The following CNTN3 variants were observed in gnomAD, a reference collection of about 807,000 sequenced individuals.
The protein encoded by CNTN3 is contactin-3.
A neutral mutation model predicts 119.1 loss-of-function variants in CNTN3; 60 were observed. The ratio of observed to expected loss-of-function variants is 0.50; its 90% CI spans 0.41 to 0.62. The LOEUF (loss-of-function observed/expected upper bound fraction) is 0.62. Among genes scored for constraint, CNTN3 ranks in the 20% least tolerant of loss-of-function variants. The pLI, the probability that CNTN3 is intolerant of heterozygous loss-of-function variation, is 0.00. For missense variants in CNTN3, 1,101 were observed against 1,242.4 expected, an observed-to-expected ratio of 0.89 and a Z score of 1.71; for synonymous variants, 450 against 438.7, an observed-to-expected ratio of 1.03 and a Z score of -0.32.
At chr3:74,533,956 C>A (rs557084550) in intron 1 of CNTN3, among the ~76,000 whole-genome samples, 1 of 152,096 alleles carries the variant, frequency 6.6e-6, no homozygotes, top group African/African-American at 2.4e-5. Flanking sequence ...CACAGGACAG[C>A]CACCCACTGC....
At chr3:74,588,637 C>G (rs565049303) in intron 1 of CNTN3, among the ~76,000 whole-genome samples, 10 of 151,954 alleles carry the variant, frequency 6.6e-5, no homozygotes, top group Non-Finnish European at 1.2e-4. Flanking sequence ...AAAAAGAGCC[C>G]GCATCACCAA....
intron 7 of CNTN3, 40 bp downstream of exon 7, chr3:74,369,849 T>C: frequency 9.5e-7 from 1 of 1,053,502 alleles, no homozygotes; most frequent in Non-Finnish European, 1.4e-6. Flanking sequence ...TATAGCAACC[T>C]AATATTTCAG....
intron 5 of CNTN3, 41 bp downstream of exon 5, chr3:74,424,804 A>G: frequency 1.3e-6 from 2 of 1,545,852 alleles, no homozygotes; most frequent in Non-Finnish European, 1.8e-6. Context: ...CTTGCCCTGA[A>G]CCTTAATAAA....
At chr3:74,422,167 C>A (rs1575709197) in intron 5 of CNTN3, among the ~76,000 whole-genome samples, 1 of 152,170 alleles carries the variant, frequency 6.6e-6, no homozygotes, top group Non-Finnish European at 1.5e-5. Flanking sequence ...AGCTCATAAG[C>A]CAATGTGTTA....
chr3:74,313,746 C>G (rs547225403), intron 13 of CNTN3, among the ~76,000 whole-genome samples: 2 of 152,040 alleles, frequency 1.3e-5, no homozygotes, highest in African/African-American at 4.8e-5. Flanking sequence ...GCAAAGCTGG[C>G]CTTGTATGTA....
At chr3:74,431,502 T>C (rs553791413) in intron 4 of CNTN3, among the ~76,000 whole-genome samples, 3 of 152,330 alleles carry the variant, frequency 2.0e-5, no homozygotes, top group South Asian at 4.1e-4. Context: ...CCAAGTTAAA[T>C]GAGTTTCTTT....
In CNTN3 at chr3:74,294,599, T is replaced by C. The variant is rs903049055; in HGVS notation, c.2517+522A>G. ...CAAACATTTCCTGTTTTGGGTGACC[T>C]AGTCAGACCTTCATTATATTTGGTC... On this transcript the variant is annotated intron_variant, in intron 19 of 22. Coordinates refer to ENST00000263665, the MANE Select transcript of CNTN3 (RefSeq NM_020872.3). 5.3e-5 allele frequency among the ~76,000 whole-genome samples: 8 copies of C among 152,344 alleles called. No individual in the cohort carries two copies. In the East Asian group the frequency reaches 1.4e-3, roughly 26 times the overall value.
intron 1 of CNTN3, among the ~76,000 whole-genome samples, chr3:74,598,316 A>G (rs954922661): frequency 1.3e-5 from 2 of 152,020 alleles, no homozygotes; most frequent in African/African-American, 2.4e-5. Context: ...CGGTTGCCCC[A>G]CCGGAGGCAC....
At chr3:74,573,288 C>CT (rs879506429) in intron 1 of CNTN3, among the ~76,000 whole-genome samples, 75 of 143,328 alleles carry the variant, frequency 5.2e-4, no homozygotes, top group South Asian at 6.8e-4. Context: ...AGAGTGCTTT[C>CT]TTTTTTTTTT....
chr3:74,438,794 A>G (rs1190613619), intron 4 of CNTN3, among the ~76,000 whole-genome samples: 1 of 152,228 alleles, frequency 6.6e-6, no homozygotes, highest in Non-Finnish European at 1.5e-5. Context: ...CTTTTAAGAC[A>G]CGTGTGATTT....
chr3:74,302,922 A>G (rs528497670), intron 13 of CNTN3, 115 bp from the exon 14 acceptor site: 2 of 628,280 alleles, frequency 3.2e-6, no homozygotes, highest in East Asian at 2.8e-5. Context: ...TAGGGAGCAA[A>G]CCAAGGTGGT....
intron 4 of CNTN3, among the ~76,000 whole-genome samples, chr3:74,437,896 A>C (rs1207989501): frequency 6.6e-6 from 1 of 152,226 alleles, no homozygotes; most frequent in East Asian, 1.9e-4. Context: ...ATGGGGCAAC[A>C]GAAAAAGCCA....
intron 13 of CNTN3, among the ~76,000 whole-genome samples, chr3:74,310,911 T>G (rs1702670435): frequency 6.6e-6 from 1 of 152,148 alleles, no homozygotes; most frequent in Non-Finnish European, 1.5e-5. Context: ...CTGACCTATA[T>G]GGACCAAAGA....
At chr3:74,297,279 A>G (rs1702358377) in intron 18 of CNTN3, among the ~76,000 whole-genome samples, 1 of 152,094 alleles carries the variant, frequency 6.6e-6, no homozygotes, top group Non-Finnish European at 1.5e-5. Flanking sequence ...GGAACGTAGG[A>G]AGTGTTCCTC....
chr3:74,521,222 TAAA>T lies in CNTN3; in HGVS notation c.-80-33_-80-31del, dbSNP rs59140298. ...AAAATATATGTACAAAGAAGTTCGT[TAAA>T]AAAAAAAAAAAAAGCTGCTTTAAAA... On this transcript the variant is annotated intron_variant, in intron 1 of 22. Coordinates refer to ENST00000263665, the MANE Select transcript of CNTN3 (RefSeq NM_020872.3). The T allele has an allele frequency of 5.1e-3, 1,619 of 316,784 alleles. 1 individual carries two copies. Among genetic ancestry groups the T allele is most frequent in the African/African-American group, 0.013 (531 of 41,420 alleles). 19.6% of individuals were successfully genotyped at this position (316,784 alleles called of 1,614,324 possible). A position where few individuals can be genotyped will look rare whatever the true frequency, so the allele number is the denominator to read the frequency against.
chr3:74,391,804 C>T (rs536145503), intron 5 of CNTN3, among the ~76,000 whole-genome samples: 10 of 151,964 alleles, frequency 6.6e-5, no homozygotes, highest in Admixed American at 6.5e-5. Context: ...ACTACGTTCG[C>T]GTGCCACCAC....
At position 74,362,638 on chromosome 3, in the gene CNTN3, G is replaced by A. The variant is rs531123406; in HGVS notation, c.1214-598C>T. On this transcript the variant is annotated intron_variant, in intron 10 of 22. Coordinates refer to ENST00000263665, the MANE Select transcript of CNTN3 (RefSeq NM_020872.3). ...AATATTACATTTGCTAATAATACAT[G>A]GGATGTTAATCCTGAAACAACACTT... 7.6e-4 allele frequency among the ~76,000 whole-genome samples: 115 copies of A among 152,058 alleles called. 1 individual carries two copies. The highest frequency in any genetic ancestry group is 2.6e-3 in the African/African-American group (109 of 41,462).
At chr3:74,577,877 G>T (rs1196124392) in intron 1 of CNTN3, among the ~76,000 whole-genome samples, 4 of 151,886 alleles carry the variant, frequency 2.6e-5, no homozygotes, top group African/African-American at 9.7e-5. Context: ...AACATGCCTG[G>T]CACAAGGCAA....
chr3:74,425,517 C>G (rs992075782), intron 4 of CNTN3, among the ~76,000 whole-genome samples: 1 of 152,052 alleles, frequency 6.6e-6, no homozygotes, highest in African/African-American at 2.4e-5. Flanking sequence ...GAAATAGTGT[C>G]TAAAATGGCA....
Sources: gnomAD v4.1 joint callset for allele counts (sites outside exome capture counted in the v4.1 genomes callset) on GRCh38, gnomAD v4.1.1 for gene constraint, MANE v1.5 for transcripts, NCBI Gene and HGNC (gene_info 2026-07-23, HGNC 2026-07-21) for gene names.